The following TSSK2 variants were observed in gnomAD, a reference collection of about 807,000 sequenced individuals.
The protein encoded by TSSK2 is testis specific serine kinase 2.
A neutral mutation model predicts 14.2 loss-of-function variants in TSSK2; 5 were observed. The observed-to-expected ratio is 0.35, with a 90% confidence interval of 0.18 to 0.74. The LOEUF (loss-of-function observed/expected upper bound fraction) is 0.74. Ranked by LOEUF, TSSK2 falls within the 30% of genes least tolerant of loss-of-function variation. TSSK2 has a pLI of 0.56. For synonymous variants in TSSK2, 209 were observed against 201.9 expected (o/e 1.04, Z -0.30); for missense variants, 439 against 491.1 (o/e 0.89, Z 1.00).
Position 19,131,685 on chromosome 22 carries a change from G to A in TSSK2, c.286G>A (p.Gly96Ser). The A allele has an allele frequency of 1.2e-6, 2 of 1,614,028 alleles. No homozygotes were observed. Among genetic ancestry groups the A allele is most frequent in the Non-Finnish European group, 1.7e-6 (2 of 1,180,014 alleles). ...CATCATCATGGAGCTTGGCGTCCAGGGCGACCTCCTCGAGTTCATCAAGTG... is the reference window on the plus strand; with the variant it reads ...CATCATCATGGAGCTTGGCGTCCAGAGCGACCTCCTCGAGTTCATCAAGTG... ...IYIIMELGVQ[G>S]DLLEFIKCQG... is the part of the protein sequence containing the mutation. The change falls in exon 1 of 1, where the codon GGC (glycine) becomes AGC (serine). Residue 96 changes from glycine to serine, a missense_variant. Gly to Ser is a moderately conservative substitution (Grantham distance 56, BLOSUM62 0). Transcript: ENST00000399635. This position sits in a 1 kb window ranked among gnomAD's most constrained non-coding sequence, Gnocchi z 5.7.
rs376965034 is a variant in TSSK2, at chr22:19,131,878, G to A, written c.479G>A (p.Arg160His). ...IKLSDFGFSK[R>H]CLRDSNGRII... ...CTGTCTGACTTTGGCTTCTCCAAGCGCTGCCTGCGGGACAGCAATGGGCGC... is the reference window on the plus strand; with the variant it reads ...CTGTCTGACTTTGGCTTCTCCAAGCACTGCCTGCGGGACAGCAATGGGCGC... Residue 160 changes from arginine (R) to histidine (H), a missense_variant, in exon 1 of 1, where the codon CGC (arginine) becomes CAC (histidine). Physicochemically the swap from Arg to His is conservative, Grantham distance 29. Coordinates refer to ENST00000399635, the MANE Select transcript of TSSK2 (RefSeq NM_053006.5). This position sits in a 1 kb window ranked among gnomAD's most constrained non-coding sequence, Gnocchi z 5.7. 1.7e-5 allele frequency: 28 copies of A among 1,614,102 alleles called. No individual in the cohort carries two copies. The African/African-American group carries it at 1.9e-4, about 11-fold the overall frequency.
Position 19,132,116 on chromosome 22 carries a change from G to A in TSSK2, c.717G>A (p.Lys239=), listed in dbSNP as rs562456158. The A allele has an allele frequency of 5.8e-5, 94 of 1,612,832 alleles. 2 individuals carry two copies. The South Asian group carries it at 1.0e-3, about 18-fold the overall frequency. ...ACCGTGTGGACTTCCCGCGCTCCAA[G>A]AACCTGACCTGCGAGTGCAAGGACC... ...KEHRVDFPRS[K]NLTCECKDLI... Residue 239 remains lysine (K), a synonymous_variant, in exon 1 of 1, where the codon AAG becomes AAA. Coordinates refer to ENST00000399635, the MANE Select transcript of TSSK2 (RefSeq NM_053006.5). This position sits in a 1 kb window ranked among gnomAD's most constrained non-coding sequence, Gnocchi z 4.2.
Position 19,131,558 on chromosome 22 carries a change from GGA to G in TSSK2, c.164_165del (p.Arg55IlefsTer25). ...GCAAGAAAACACCTACTGACTTTGT[GGA>G]GAGATTCCTTCCTCGGGAGATGGAC... ...DRKKTPTDFVERFLPREMDIL... is the reference protein window; with the variant it reads ...DRKKTPTDFVXRFLPREMDIL... On this transcript the variant is annotated frameshift_variant, in exon 1 of 1. Coordinates refer to ENST00000399635, the MANE Select transcript of TSSK2 (RefSeq NM_053006.5). LOFTEE classifies it high-confidence loss of function. This position sits in a 1 kb window ranked among gnomAD's most constrained non-coding sequence, Gnocchi z 5.7. 2 of 1,614,144 alleles carry G rather than the reference GGA, an allele frequency of 1.2e-6. No homozygotes were observed. Among genetic ancestry groups the G allele is most frequent in the South Asian group, 2.2e-5 (2 of 91,072 alleles).
rs2083514718 is a variant in TSSK2, at chr22:19,132,121, T to C, written c.722T>C (p.Leu241Pro). The change falls in exon 1 of 1, where the codon CTG (leucine) becomes CCG (proline). Residue 241 changes from leucine (L) to proline (P), a missense_variant. By Grantham distance (98) the Leu-to-Pro change is moderately conservative. Transcript: ENST00000399635. The surrounding 1 kb of genome is among the most constrained non-coding windows in gnomAD (Gnocchi z 4.2). ...HRVDFPRSKN[L>P]TCECKDLIYR... Reference sequence around the variant, plus strand: ...GTGGACTTCCCGCGCTCCAAGAACCTGACCTGCGAGTGCAAGGACCTCATC... The same window carrying C: ...GTGGACTTCCCGCGCTCCAAGAACCCGACCTGCGAGTGCAAGGACCTCATC... 6 of 1,612,670 alleles carry C rather than the reference T, an allele frequency of 3.7e-6. No homozygotes were observed. Among genetic ancestry groups the C allele is most frequent in the Non-Finnish European group, 5.1e-6 (6 of 1,178,828 alleles).
Position 19,131,947 on chromosome 22 carries a change from C to A in TSSK2, c.548C>A (p.Ala183Asp). The change falls in exon 1 of 1, where the codon GCC becomes GAC. Residue 183 changes from alanine (A) to aspartate (D), a missense_variant. Physicochemically the swap from Ala to Asp is moderately radical, Grantham distance 126. Transcript: ENST00000399635. The surrounding 1 kb of genome is among the most constrained non-coding windows in gnomAD (Gnocchi z 5.7). ...TTCTGCGGGTCGGCAGCATATGCAGCCCCCGAGGTGCTGCAGAGCATCCCC... is the reference window on the plus strand; with the variant it reads ...TTCTGCGGGTCGGCAGCATATGCAGACCCCGAGGTGCTGCAGAGCATCCCC... Reference protein sequence around the residue: ...KTFCGSAAYAAPEVLQSIPYQ... With the variant: ...KTFCGSAAYADPEVLQSIPYQ... The A allele has an allele frequency of 6.2e-7, 1 of 1,614,080 alleles. No homozygotes were observed. Among genetic ancestry groups the A allele is most frequent in the Non-Finnish European group, 8.5e-7 (1 of 1,179,992 alleles).
Position 19,131,783 on chromosome 22 carries a change from C to A in TSSK2, c.384C>A (p.His128Gln). The A allele has an allele frequency of 1.9e-6, 3 of 1,614,192 alleles. No individual in the cohort carries two copies. Among genetic ancestry groups the A allele is most frequent in the Non-Finnish European group, 2.5e-6 (3 of 1,180,038 alleles). The change falls in exon 1 of 1, where the codon CAC becomes CAA. Residue 128 changes from histidine to glutamine, a missense_variant. Physicochemically the swap from His to Gln is conservative, Grantham distance 24. Transcript: ENST00000399635. The surrounding 1 kb of genome is among the most constrained non-coding windows in gnomAD (Gnocchi z 5.7). ...TCTCCTCCGCCGTCAAGTACTGCCACGACCTGGACATCGTCCACCGGGACC... is the reference window on the plus strand; with the variant it reads ...TCTCCTCCGCCGTCAAGTACTGCCAAGACCTGGACATCGTCCACCGGGACC... ...RQLSSAVKYC[H>Q]DLDIVHRDLK...
At position 19,132,327 on chromosome 22, in the gene TSSK2, C is replaced by T. The variant is rs777773500; in HGVS notation, c.928C>T (p.Arg310Trp). Residue 310 changes from arginine to tryptophan, a missense_variant, in exon 1 of 1, where the codon CGG (arginine) becomes TGG (tryptophan). Arg to Trp is a moderately radical substitution (Grantham distance 101). Transcript: ENST00000399635. This position sits in a 1 kb window ranked among gnomAD's most constrained non-coding sequence, Gnocchi z 4.2. ...CAAGACAGGCTTGAGGCCCGACCAC[C>T]GGCCCGACCACAAGCTTGGAGCCAA... Reference protein sequence around the residue: ...DTKTGLRPDHRPDHKLGAKTQ... With the variant: ...DTKTGLRPDHWPDHKLGAKTQ... 67 of 1,612,762 alleles carry T rather than the reference C, an allele frequency of 4.2e-5. No individual in the cohort carries two copies. Among genetic ancestry groups the T allele is most frequent in the Middle Eastern group, 1.6e-4 (1 of 6,082 alleles).
In TSSK2 at chr22:19,131,637, G is replaced by C. The variant is rs1402433016; in HGVS notation, c.238G>C (p.Glu80Gln). The C allele has an allele frequency of 6.2e-7, 1 of 1,614,112 alleles. No individual in the cohort carries two copies. Among genetic ancestry groups the C allele is most frequent in the Non-Finnish European group, 8.5e-7 (1 of 1,180,040 alleles). ...GSIIKTYEIF[E>Q]TSDGRIYIIM... ...CATCATCAAGACTTACGAGATCTTT[G>C]AGACCTCTGACGGACGGATCTACAT... The change falls in exon 1 of 1, where the codon GAG becomes CAG. Residue 80 changes from glutamate to glutamine, a missense_variant. Coordinates refer to ENST00000399635, the MANE Select transcript of TSSK2 (RefSeq NM_053006.5). The surrounding 1 kb of genome is among the most constrained non-coding windows in gnomAD (Gnocchi z 5.7).
In TSSK2 at chr22:19,131,663, C is replaced by T; in HGVS notation, c.264C>T (p.Ile88=). The change falls in exon 1 of 1, where the codon ATC becomes ATT. Residue 88 remains isoleucine, a synonymous_variant. Transcript: ENST00000399635. This position sits in a 1 kb window ranked among gnomAD's most constrained non-coding sequence, Gnocchi z 5.7. ...IFETSDGRIY[I]IMELGVQGDL... is the part of the protein sequence containing the mutation. ...AGACCTCTGACGGACGGATCTACATCATCATGGAGCTTGGCGTCCAGGGCG... is the reference window on the plus strand; with the variant it reads ...AGACCTCTGACGGACGGATCTACATTATCATGGAGCTTGGCGTCCAGGGCG... 1 of 1,614,130 alleles carries T rather than the reference C, an allele frequency of 6.2e-7. No homozygotes were observed. The highest frequency in any genetic ancestry group is 8.5e-7 in the Non-Finnish European group (1 of 1,180,028).
chr22:19,132,005 G>A lies in TSSK2; in HGVS notation c.606G>A (p.Leu202=). 2 of 1,614,146 alleles carry A rather than the reference G, an allele frequency of 1.2e-6. No individual in the cohort carries two copies. The change falls in exon 1 of 1, where the codon CTG becomes CTA. Residue 202 remains leucine, a synonymous_variant. Transcript: ENST00000399635. The surrounding 1 kb of genome is among the most constrained non-coding windows in gnomAD (Gnocchi z 4.2). ...YQPKVYDIWS[L]GVILYIMVCG... is the part of the protein sequence containing the mutation. ...CCAAGGTGTATGACATCTGGAGCCT[G>A]GGCGTGATCCTGTACATCATGGTCT... is the stretch of plus-strand genomic sequence containing the variant.
At position 19,131,821 on chromosome 22, in the gene TSSK2, A is replaced by G. The variant is rs760465767; in HGVS notation, c.422A>G (p.Asn141Ser). 6.2e-7 allele frequency: 1 copy of G among 1,613,968 alleles called. No individual in the cohort carries two copies. The change falls in exon 1 of 1, where the codon AAC (asparagine) becomes AGC (serine). Residue 141 changes from asparagine to serine, a missense_variant. Asn to Ser is a conservative substitution (Grantham distance 46, BLOSUM62 1). Transcript: ENST00000399635. The surrounding 1 kb of genome is among the most constrained non-coding windows in gnomAD (Gnocchi z 5.7). ...DIVHRDLKCE[N>S]LLLDKDFNIK... Reference sequence around the variant, plus strand: ...GTCCACCGGGACCTCAAGTGCGAGAACCTTCTCCTCGACAAGGACTTCAAC... The same window carrying G: ...GTCCACCGGGACCTCAAGTGCGAGAGCCTTCTCCTCGACAAGGACTTCAAC...
rs989638459 is a variant in TSSK2, at chr22:19,132,346, G to T, written c.947G>T (p.Gly316Val). ...GACCACCGGCCCGACCACAAGCTTG[G>T]AGCCAAAACCCAGCACCGGCTGCTG... ...RPDHRPDHKLGAKTQHRLLVV... is the reference protein window; with the variant it reads ...RPDHRPDHKLVAKTQHRLLVV... Residue 316 changes from glycine (G) to valine (V), a missense_variant, in exon 1 of 1, where the codon GGA becomes GTA. Physicochemically the swap from Gly to Val is moderately radical, Grantham distance 109 (BLOSUM62 -3). Transcript: ENST00000399635. The surrounding 1 kb of genome is among the most constrained non-coding windows in gnomAD (Gnocchi z 4.2). The T allele has an allele frequency of 6.2e-7, 1 of 1,613,132 alleles. No homozygotes were observed. Among genetic ancestry groups the T allele is most frequent in the African/African-American group, 1.3e-5 (1 of 75,018 alleles).
rs776994811 is a variant in TSSK2, at chr22:19,131,696, C to G, written c.297C>G (p.Leu99=). ...AGCTTGGCGTCCAGGGCGACCTCCT[C>G]GAGTTCATCAAGTGCCAGGGAGCCC... The part of the protein sequence containing the change: ...IMELGVQGDL[L]EFIKCQGALH... The change falls in exon 1 of 1, where the codon CTC becomes CTG. Residue 99 remains leucine (L), a synonymous_variant. Transcript: ENST00000399635. The surrounding 1 kb of genome is among the most constrained non-coding windows in gnomAD (Gnocchi z 5.7). 6.2e-7 allele frequency: 1 copy of G among 1,614,064 alleles called. No homozygotes were observed. Among genetic ancestry groups the G allele is most frequent in the Middle Eastern group, 1.6e-4 (1 of 6,062 alleles).
chr22:19,131,508 A>T lies in TSSK2; in HGVS notation c.109A>T (p.Asn37Tyr), dbSNP rs200807955. The change falls in exon 1 of 1, where the codon AAT (asparagine) becomes TAT (tyrosine). Residue 37 changes from asparagine (N) to tyrosine (Y), a missense_variant. By Grantham distance (143) the Asn-to-Tyr change is moderately radical (BLOSUM62 -2). Coordinates refer to ENST00000399635, the MANE Select transcript of TSSK2 (RefSeq NM_053006.5). This position sits in a 1 kb window ranked among gnomAD's most constrained non-coding sequence, Gnocchi z 5.7. The stretch of plus-strand genomic sequence containing the variant: ...TGCCTACTCTGAGCGCCTCAAGTTC[A>T]ATGTGGCTGTCAAGATCATCGACCG... ...KSAYSERLKF[N>Y]VAVKIIDRKK... 6.2e-7 allele frequency: 1 copy of T among 1,614,068 alleles called. No individual in the cohort carries two copies.
rs1569103164 is a variant in TSSK2 at position 19,132,236 on chromosome 22, C to T, written c.837C>T (p.Ala279=). The part of the protein sequence containing the change: ...HSWLQPPKPK[A]TSSASFKREG... ...GGCTGCAGCCCCCCAAGCCCAAAGC[C>T]ACGTCTTCTGCCTCCTTCAAGAGGG... Residue 279 remains alanine (A), a synonymous_variant, in exon 1 of 1, where the codon GCC becomes GCT. Coordinates refer to ENST00000399635, the MANE Select transcript of TSSK2 (RefSeq NM_053006.5). This position sits in a 1 kb window ranked among gnomAD's most constrained non-coding sequence, Gnocchi z 4.2. 1 of 1,612,118 alleles carries T rather than the reference C, an allele frequency of 6.2e-7. No individual in the cohort carries two copies. Among genetic ancestry groups the T allele is most frequent in the Non-Finnish European group, 8.5e-7 (1 of 1,178,644 alleles).
Position 19,131,426 on chromosome 22 carries a change from G to T in TSSK2, c.27G>T (p.Lys9Asn). MDDATVLR[K>N]KGYIVGINLG... Reference sequence around the variant, plus strand: ...TGGACGATGCCACAGTCCTAAGGAAGAAGGGTTACATCGTAGGCATCAATC... The same window carrying T: ...TGGACGATGCCACAGTCCTAAGGAATAAGGGTTACATCGTAGGCATCAATC... Residue 9 changes from lysine to asparagine, a missense_variant, in exon 1 of 1, where the codon AAG becomes AAT. Transcript: ENST00000399635. This position sits in a 1 kb window ranked among gnomAD's most constrained non-coding sequence, Gnocchi z 5.7. The T allele has an allele frequency of 6.2e-7, 1 of 1,611,920 alleles. No individual in the cohort carries two copies. Among genetic ancestry groups the T allele is most frequent in the South Asian group, 1.1e-5 (1 of 90,846 alleles).
rs1212789683 is a variant in TSSK2, at chr22:19,131,635, T to C, written c.236T>C (p.Phe79Ser). 1.2e-6 allele frequency: 2 copies of C among 1,613,992 alleles called. No homozygotes were observed. The highest frequency in any genetic ancestry group is 1.1e-5 in the South Asian group (1 of 91,068). The change falls in exon 1 of 1, where the codon TTT becomes TCT. Residue 79 changes from phenylalanine (F) to serine (S), a missense_variant. Transcript: ENST00000399635. The surrounding 1 kb of genome is among the most constrained non-coding windows in gnomAD (Gnocchi z 5.7). ...TCCATCATCAAGACTTACGAGATCT[T>C]TGAGACCTCTGACGGACGGATCTAC... ...HGSIIKTYEI[F>S]ETSDGRIYII...
rs764088773 is a variant in TSSK2, at chr22:19,132,020, C to T, written c.621C>T (p.Tyr207=). The change falls in exon 1 of 1, where the codon TAC becomes TAT. Residue 207 remains tyrosine (Y), a synonymous_variant. Coordinates refer to ENST00000399635, the MANE Select transcript of TSSK2 (RefSeq NM_053006.5). This position sits in a 1 kb window ranked among gnomAD's most constrained non-coding sequence, Gnocchi z 4.2. ...YDIWSLGVIL[Y]IMVCGSMPYD... ...TCTGGAGCCTGGGCGTGATCCTGTA[C>T]ATCATGGTCTGCGGCTCCATGCCCT... 1.7e-5 allele frequency: 27 copies of T among 1,613,954 alleles called. No homozygotes were observed. The highest frequency in any genetic ancestry group is 3.3e-5 in the Admixed American group (2 of 59,994).
rs757352938 is a variant in TSSK2 at position 19,132,237 on chromosome 22, A to G, written c.838A>G (p.Thr280Ala). 3 of 1,612,134 alleles carry G rather than the reference A, an allele frequency of 1.9e-6. No homozygotes were observed. The highest frequency in any genetic ancestry group is 2.5e-6 in the Non-Finnish European group (3 of 1,178,596). ...GCTGCAGCCCCCCAAGCCCAAAGCC[A>G]CGTCTTCTGCCTCCTTCAAGAGGGA... Reference protein sequence around the residue: ...SWLQPPKPKATSSASFKREGE... With the variant: ...SWLQPPKPKAASSASFKREGE... The change falls in exon 1 of 1, where the codon ACG (threonine) becomes GCG (alanine). Residue 280 changes from threonine (T) to alanine (A), a missense_variant. Thr to Ala is a moderately conservative substitution (Grantham distance 58, BLOSUM62 0). Transcript: ENST00000399635. This position sits in a 1 kb window ranked among gnomAD's most constrained non-coding sequence, Gnocchi z 4.2.
Sources: gnomAD v4.1 joint callset for allele counts on GRCh38, gnomAD v4.1.1 for gene constraint, Gnocchi (gnomAD v3.1) non-coding constraint, MANE v1.5 for transcripts, NCBI Gene and HGNC (gene_info 2026-07-23, HGNC 2026-07-21) for gene names.